The following EFCAB13 variants were observed in gnomAD, a reference collection of about 807,000 sequenced individuals.
EFCAB13 encodes EF-hand calcium binding domain 13.
Under a neutral mutation model 110.2 loss-of-function variants are expected in EFCAB13, and 91 were observed. The observed-to-expected ratio is 0.83, with a 90% CI of 0.70 to 0.98. The LOEUF is 0.98. Ranked by LOEUF, EFCAB13 falls within the 50% of genes least tolerant of loss-of-function variation. EFCAB13 has a pLI of 0.00. For synonymous variants in EFCAB13, 323 were observed against 369.9 expected (o/e 0.87, Z 1.45); for missense variants, 968 against 1,119.4 (o/e 0.86, Z 1.93).
intron 11 of EFCAB13, among the ~76,000 whole-genome samples, 193 bp downstream of exon 11, chr17:47,370,701 A>G (rs1044038807): frequency 6.7e-6 from 1 of 149,916 alleles, no homozygotes; most frequent in African/African-American, 2.5e-5. Flanking sequence ...ATGTTTATGC[A>G]TATTCTTTGC....
chr17:47,333,809 A>G (rs1257048193), intron 4 of EFCAB13, among the ~76,000 whole-genome samples: 2 of 152,288 alleles, frequency 1.3e-5, no homozygotes, highest in East Asian at 3.9e-4. Flanking sequence ...TTGATTGGTT[A>G]TGCCAGTAAC....
At chr17:47,437,146 T>C (rs1905230122) in intron 24 of EFCAB13, among the ~76,000 whole-genome samples, 1 of 152,164 alleles carries the variant, frequency 6.6e-6, no homozygotes, top group South Asian at 2.1e-4. Flanking sequence ...ATTTCAATTT[T>C]CTTAAATTTA....
At chr17:47,416,650 G>C (rs1329514626) in intron 23 of EFCAB13, among the ~76,000 whole-genome samples, 1 of 151,888 alleles carries the variant, frequency 6.6e-6, no homozygotes, top group Non-Finnish European at 1.5e-5. Context: ...AGTACCCAGT[G>C]TTTAGCTCAC....
chr17:47,414,926 G>C lies in EFCAB13; in HGVS notation c.2494+7G>C. On this transcript the variant is annotated splice_region_variant and intron_variant, in intron 23 of 24. Transcript: ENST00000331493. ...CATTTCCAAAAGTCCAAGGGTAAGT[G>C]AATACTTCTTGTTCAAGAGAATGGC... 6.4e-7 allele frequency: 1 copy of C among 1,565,006 alleles called. No individual in the cohort carries two copies. Among genetic ancestry groups the C allele is most frequent in the Admixed American group, 1.8e-5 (1 of 56,962 alleles).
chr17:47,336,592 AT>A (rs66495523), intron 5 of EFCAB13, among the ~76,000 whole-genome samples: 6,596 of 119,536 alleles, frequency 0.055, 180 homozygotes, highest in African/African-American at 0.089. Context: ...CACCTGGCCA[AT>A]TTTTTTTTTT....
At chr17:47,402,243 A>T (rs1049129516) in intron 18 of EFCAB13, 40 bp downstream of exon 18, 15 of 1,565,040 alleles carry the variant, frequency 9.6e-6, no homozygotes, top group Non-Finnish European at 1.3e-5. Flanking sequence ...ATTTACTTTT[A>T]TTGAAAGGAC....
chr17:47,328,722 T>A (rs912548027), intron 4 of EFCAB13: 1 of 202,372 alleles, frequency 4.9e-6, no homozygotes, highest in Non-Finnish European at 9.8e-6. Context: ...CAAAAAATAA[T>A]GTAGAGGACA....
Position 47,440,569 on chromosome 17 carries a change from AAAC to A in EFCAB13, c.2780_2782del (p.Thr927del). 6.2e-7 allele frequency: 1 copy of A among 1,613,404 alleles called. No individual in the cohort carries two copies. The highest frequency in any genetic ancestry group is 8.5e-7 in the Non-Finnish European group (1 of 1,179,662). Reference sequence around the variant, plus strand: ...AGGCAAGCAGTGGTTTACATGTTAAAAACAATACAGGATTCGATAGTTAAAGCA... The same window carrying A: ...AGGCAAGCAGTGGTTTACATGTTAAAAATACAGGATTCGATAGTTAAAGCA... On this transcript the variant is annotated inframe_deletion, in exon 25 of 25. Transcript: ENST00000331493.
chr17:47,366,089 T>C (rs986748511), intron 10 of EFCAB13, among the ~76,000 whole-genome samples: 6 of 152,118 alleles, frequency 3.9e-5, no homozygotes, highest in Admixed American at 1.3e-4. Flanking sequence ...CAGCATCTTA[T>C]TTTTGCATTT....
At chr17:47,416,324 TTCTG>T (rs1904442583) in intron 23 of EFCAB13, among the ~76,000 whole-genome samples, 1 of 152,210 alleles carries the variant, frequency 6.6e-6, no homozygotes, top group South Asian at 2.1e-4. Context: ...TGAATCTACT[TTCTG>T]TCTGTATGAA....
At chr17:47,399,450 A>G (rs2065767454) in intron 17 of EFCAB13, among the ~76,000 whole-genome samples, 1 of 152,154 alleles carries the variant, frequency 6.6e-6, no homozygotes, top group Non-Finnish European at 1.5e-5. Context: ...TTGTTAAAGC[A>G]GAATGCTTTT....
intron 9 of EFCAB13, among the ~76,000 whole-genome samples, chr17:47,359,723 C>G (rs1192203084): frequency 6.0e-5 from 9 of 149,660 alleles, no homozygotes; most frequent in African/African-American, 1.5e-4. Flanking sequence ...GTGCTGCACC[C>G]ATTAACTCGT....
At chr17:47,391,188 G>A (rs1255706199) in intron 14 of EFCAB13, among the ~76,000 whole-genome samples, 3 of 152,032 alleles carry the variant, frequency 2.0e-5, no homozygotes, top group Non-Finnish European at 4.4e-5. Context: ...TGATTCTTCC[G>A]CCTGGCCTCT....
At chr17:47,384,508 C>T (rs1179081807) in intron 14 of EFCAB13, among the ~76,000 whole-genome samples, 1 of 150,978 alleles carries the variant, frequency 6.6e-6, no homozygotes, top group East Asian at 2.0e-4. Flanking sequence ...TTTAGTGCTT[C>T]CTTCAGGAGC....
chr17:47,406,136 G>A (rs183758471), intron 20 of EFCAB13, among the ~76,000 whole-genome samples: 1 of 151,912 alleles, frequency 6.6e-6, no homozygotes, highest in East Asian at 1.9e-4. Flanking sequence ...TTATTGAGAC[G>A]GAGTCTCATT....
At chr17:47,357,044 G>A (rs2065484680) in intron 9 of EFCAB13, among the ~76,000 whole-genome samples, 1 of 152,162 alleles carries the variant, frequency 6.6e-6, no homozygotes, top group Non-Finnish European at 1.5e-5. Flanking sequence ...CAGCTTCCAC[G>A]CAGCCCACAG....
rs369075036 is a variant in EFCAB13 at position 47,394,103 on chromosome 17, C to T, written c.1801+4C>T. On this transcript the variant is annotated splice_donor_region_variant and intron_variant, in intron 16 of 24. Coordinates refer to ENST00000331493, the MANE Select transcript of EFCAB13 (RefSeq NM_152347.5). Reference sequence around the variant, plus strand: ...GAATGCTTCTCTGAAAAATTAGGTACGTAAGAATATCATGTCTTCTGCTTT... The same window carrying T: ...GAATGCTTCTCTGAAAAATTAGGTATGTAAGAATATCATGTCTTCTGCTTT... 31 of 1,493,540 alleles carry T rather than the reference C, an allele frequency of 2.1e-5. No individual in the cohort carries two copies. The East Asian group carries it at 4.9e-4, about 24-fold the overall frequency. The allele number at this position is 1,493,540 out of a possible 1,614,324, so 92.5% of individuals were successfully genotyped here. A position where few individuals can be genotyped will look rare whatever the true frequency, so the allele number is the denominator to read the frequency against.
In EFCAB13 at chr17:47,342,014, G is replaced by A. The variant is rs745540143; in HGVS notation, c.285G>A (p.Gln95=). ...KVGRKSLQVQ[Q]HSKRTEIIPP... ...GGAGAAAGAGTTTACAAGTACAACAGCACAGTAAAAGAACTGAGGTAAATA... is the reference window on the plus strand; with the variant it reads ...GGAGAAAGAGTTTACAAGTACAACAACACAGTAAAAGAACTGAGGTAAATA... Residue 95 remains glutamine, a synonymous_variant, in exon 6 of 25, where the codon CAG becomes CAA. Transcript: ENST00000331493. 6 of 1,583,716 alleles carry A rather than the reference G, an allele frequency of 3.8e-6. No individual in the cohort carries two copies. The highest frequency in any genetic ancestry group is 4.3e-6 in the Non-Finnish European group (5 of 1,165,618).
At chr17:47,379,099 TA>T in intron 13 of EFCAB13, 82 bp from the exon 14 acceptor site, 1 of 982,008 alleles carries the variant, frequency 1.0e-6, no homozygotes, top group Non-Finnish European at 1.6e-6. Flanking sequence ...AAGTAAATTT[TA>T]AAAATAGTTG....
Sources: allele counts gnomAD v4.1 joint callset (sites outside exome capture counted in the v4.1 genomes callset), GRCh38; gene constraint gnomAD v4.1.1; transcripts MANE v1.5; gene names NCBI Gene and HGNC (gene_info 2026-07-23, HGNC 2026-07-21).